The following SEPTIN2 variants were observed in gnomAD, a reference collection of about 807,000 sequenced individuals.
The protein encoded by SEPTIN2 is septin 2.
A neutral mutation model predicts 46.5 loss-of-function variants in SEPTIN2; 34 were observed. The ratio of observed to expected loss-of-function variants is 0.73; its 90% CI spans 0.56 to 0.97. The LOEUF (loss-of-function observed/expected upper bound fraction) is 0.97, where lower values mean the gene tolerates loss of function less well. Among genes scored for constraint, SEPTIN2 ranks in the 50% least tolerant of loss-of-function variants. The pLI, the probability that SEPTIN2 is intolerant of heterozygous loss-of-function variation, is 0.00. For synonymous variants in SEPTIN2, 175 were observed against 153.4 expected (o/e 1.14, Z -1.04); for missense variants, 347 against 448.4 (o/e 0.77, Z 2.04).
rs145049499 is a variant in SEPTIN2, at chr2:241,324,530, G to A, written c.9+289G>A. 6.2e-3 allele frequency: 2,781 copies of A among 446,738 alleles called. 16 individuals are homozygous for A. The highest frequency in any genetic ancestry group is 7.8e-3 in the Non-Finnish European group (1,860 of 237,704). 27.7% of individuals were successfully genotyped at this position (446,738 alleles called of 1,614,324 possible). The stretch of plus-strand genomic sequence containing the variant: ...AGCCTCCGGAGTAGCTGGGACTGCA[G>A]ACACGTGCCACCACGCTGGCTAATT... On this transcript the variant is annotated intron_variant, in intron 2 of 12. Transcript: ENST00000391971.
rs561898178 is a variant in SEPTIN2, at chr2:241,348,490, C to T, written c.984+299C>T. 3.3e-5 allele frequency among the ~76,000 whole-genome samples: 5 copies of T among 152,248 alleles called. No homozygotes were observed. The South Asian group carries it at 1.0e-3, about 32-fold the overall frequency. ...AGGTGATCTGCCCACCTTGGCCTCC[C>T]AAAGTGCTGGGATTACAGGTGTGAG... is the stretch of plus-strand genomic sequence containing the variant. On this transcript the variant is annotated intron_variant, in intron 11 of 12. Transcript: ENST00000391971.
chr2:241,341,710 C>G (rs2081279638), intron 7 of SEPTIN2, among the ~76,000 whole-genome samples: 1 of 152,230 alleles, frequency 6.6e-6, no homozygotes, highest in South Asian at 2.1e-4. Context: ...TCTGACCATT[C>G]AAGGCCCTTT....
Position 241,348,078 on chromosome 2 carries a change from G to T in SEPTIN2, c.927-56G>T, listed in dbSNP as rs867185376. ...ATTTTAAAGTAGAATTTTTTGGGGG[G>T]GTAGCAAATAACTATTTGTTGCAGT... On this transcript the variant is annotated intron_variant, in intron 10 of 12. Coordinates refer to ENST00000391971, the MANE Select transcript of SEPTIN2 (RefSeq NM_004404.5). 9 of 1,359,466 alleles carry T rather than the reference G, an allele frequency of 6.6e-6. No homozygotes were observed. The Middle Eastern group carries it at 7.3e-4, about 110-fold the overall frequency. 84.2% of individuals were successfully genotyped at this position (1,359,466 alleles called of 1,614,324 possible).
intron 1 of SEPTIN2, among the ~76,000 whole-genome samples, chr2:241,321,246 TA>T (rs1295529421): frequency 2.0e-5 from 3 of 152,214 alleles, no homozygotes; most frequent in African/African-American, 7.2e-5. Context: ...CAGAGAACTC[TA>T]TTAAAGTTTC....
intron 3 of SEPTIN2, among the ~76,000 whole-genome samples, chr2:241,328,160 C>T (rs990831047): frequency 6.6e-6 from 1 of 150,878 alleles, no homozygotes; most frequent in Non-Finnish European, 1.5e-5. Context: ...ACTGGTCGGG[C>T]GTGATGGCTC....
chr2:241,319,821 T>A (rs1282866990), intron 1 of SEPTIN2, among the ~76,000 whole-genome samples: 2 of 152,236 alleles, frequency 1.3e-5, no homozygotes, highest in African/African-American at 4.8e-5. Flanking sequence ...CTTGAACTCC[T>A]GAGCTCAAGC....
In SEPTIN2 at chr2:241,336,094, G is replaced by A; in HGVS notation, c.337G>A (p.Asp113Asn). The A allele has an allele frequency of 6.2e-7, 1 of 1,613,934 alleles. No individual in the cohort carries two copies. The highest frequency in any genetic ancestry group is 8.5e-7 in the Non-Finnish European group (1 of 1,179,872). ...CTATGGTGACGCTATCAACTGCAGAGATTGGTATGCTCCCCCATGCCCAGG... is the reference window on the plus strand; with the variant it reads ...CTATGGTGACGCTATCAACTGCAGAAATTGGTATGCTCCCCCATGCCCAGG... The part of the protein sequence containing the change: ...PGYGDAINCR[D>N]CFKTIISYID... The change falls in exon 5 of 13, where the codon GAT becomes AAT. Residue 113 changes from aspartate (D) to asparagine (N), a missense_variant. Physicochemically the swap from Asp to Asn is conservative, Grantham distance 23 (BLOSUM62 1). Transcript: ENST00000391971.
At chr2:241,339,854 A>G (rs2081015872) in intron 7 of SEPTIN2, among the ~76,000 whole-genome samples, 1 of 152,092 alleles carries the variant, frequency 6.6e-6, no homozygotes, top group African/African-American at 2.4e-5. Context: ...TGCATAAAGT[A>G]TTTCTCTAGC....
Position 241,326,005 on chromosome 2 carries a change from C to G in SEPTIN2, c.22C>G (p.Gln8Glu). 6.2e-7 allele frequency: 1 copy of G among 1,612,578 alleles called. No homozygotes were observed. Among genetic ancestry groups the G allele is most frequent in the Non-Finnish European group, 8.5e-7 (1 of 1,179,362 alleles). MSKQQPT[Q>E]FINPETPGYV... is the part of the protein sequence containing the mutation. ...TAATCTTATTTAGCAACAGCCAACTCAGTTTATAAATCCAGAAACACCTGG... is the reference window on the plus strand; with the variant it reads ...TAATCTTATTTAGCAACAGCCAACTGAGTTTATAAATCCAGAAACACCTGG... The change falls in exon 3 of 13, where the codon CAG becomes GAG. Residue 8 changes from glutamine (Q) to glutamate (E), a missense_variant. By Grantham distance (29) the Gln-to-Glu change is conservative. Coordinates refer to ENST00000391971, the MANE Select transcript of SEPTIN2 (RefSeq NM_004404.5).
intron 1 of SEPTIN2, 22 bp from the exon 2 acceptor site, chr2:241,324,194 C>CTGTG: frequency 1.2e-6 from 2 of 1,606,480 alleles, no homozygotes; most frequent in Non-Finnish European, 1.7e-6. Flanking sequence ...TTATGTGTGT[C>CTGTG]TGTGTGTTTT....
chr2:241,323,807 C>G (rs771871167), intron 1 of SEPTIN2, among the ~76,000 whole-genome samples: 1 of 152,110 alleles, frequency 6.6e-6, no homozygotes, highest in Admixed American at 6.5e-5. Context: ...ATAACATTTT[C>G]GGAACTAAGG....
At chr2:241,327,508 C>CAA (rs573510324) in intron 3 of SEPTIN2, among the ~76,000 whole-genome samples, 19,702 of 125,272 alleles carry the variant, frequency 0.16, 1,664 homozygotes, top group Middle Eastern at 0.29. Context: ...GACAGGAAAG[C>CAA]AAAAAAAAAA....
At chr2:241,322,534 G>A (rs2077284527) in intron 1 of SEPTIN2, among the ~76,000 whole-genome samples, 1 of 151,734 alleles carries the variant, frequency 6.6e-6, no homozygotes, top group Non-Finnish European at 1.5e-5. Context: ...GTGAACCCAG[G>A]AGGTGGAGGT....
chr2:241,326,279 G>A (rs1174505613), intron 3 of SEPTIN2, among the ~76,000 whole-genome samples, 166 bp downstream of exon 3: 1 of 152,114 alleles, frequency 6.6e-6, no homozygotes, highest in Non-Finnish European at 1.5e-5. Context: ...TTTTTCTCAG[G>A]AGCAAAATTA....
Position 241,343,105 on chromosome 2 carries a change from C to T in SEPTIN2, c.696+12C>T. 1 of 1,420,912 alleles carries T rather than the reference C, an allele frequency of 7.0e-7. No homozygotes were observed. Among genetic ancestry groups the T allele is most frequent in the African/African-American group, 1.4e-5 (1 of 70,964 alleles). 88.0% of individuals were successfully genotyped at this position (1,420,912 alleles called of 1,614,324 possible). On this transcript the variant is annotated intron_variant, in intron 8 of 12. Coordinates refer to ENST00000391971, the MANE Select transcript of SEPTIN2 (RefSeq NM_004404.5). Reference sequence around the variant, plus strand: ...CTAGACTTCTCAAGGTAAGAACTGGCTTCAGATCCACAACATAAATAACTC... The same window carrying T: ...CTAGACTTCTCAAGGTAAGAACTGGTTTCAGATCCACAACATAAATAACTC...
At chr2:241,348,343 T>C in intron 11 of SEPTIN2, 152 bp downstream of exon 11, 3 of 478,522 alleles carry the variant, frequency 6.3e-6, no homozygotes, top group Non-Finnish European at 1.1e-5. Context: ...TTCTCCTGCC[T>C]CAGCCTCCCG....
intron 3 of SEPTIN2, among the ~76,000 whole-genome samples, chr2:241,327,425 G>A (rs554955663): frequency 6.0e-5 from 9 of 149,494 alleles, no homozygotes; most frequent in East Asian, 2.0e-4. Flanking sequence ...AAAAAAAAAA[G>A]AAATTGAATG....
intron 9 of SEPTIN2, among the ~76,000 whole-genome samples, chr2:241,344,185 A>G (rs1003227008): frequency 6.6e-6 from 1 of 152,078 alleles, no homozygotes; most frequent in Non-Finnish European, 1.5e-5. Context: ...AAAAGGAGAA[A>G]AGGAGACTAG....
chr2:241,350,208 G>A lies in SEPTIN2; in HGVS notation c.*29+5G>A. The A allele has an allele frequency of 6.5e-7, 1 of 1,541,946 alleles. No individual in the cohort carries two copies. The highest frequency in any genetic ancestry group is 1.2e-5 in the South Asian group (1 of 83,398). On this transcript the variant is annotated splice_donor_5th_base_variant and intron_variant, in intron 12 of 12. Transcript: ENST00000391971. Reference sequence around the variant, plus strand: ...GCACATATCAAGAAGTCAGAGGTAGGCCCTGTTGTCCCTTAGCCTGGAAGA... The same window carrying A: ...GCACATATCAAGAAGTCAGAGGTAGACCCTGTTGTCCCTTAGCCTGGAAGA...
Sources: allele counts gnomAD v4.1 joint callset (sites outside exome capture counted in the v4.1 genomes callset), GRCh38; gene constraint gnomAD v4.1.1; transcripts MANE v1.5; gene names NCBI Gene and HGNC (gene_info 2026-07-23, HGNC 2026-07-21).